Variants in CTNNA3 observed in about 807,000 individuals in gnomAD.
The protein encoded by CTNNA3 is catenin alpha 3, also known as catenin alpha-3.
Under a neutral mutation model 95.7 loss-of-function variants are expected in CTNNA3, and 76 were observed. That is an observed-to-expected ratio of 0.79 (90% CI 0.66 to 0.96). CTNNA3 has a LOEUF of 0.96. Among genes scored for constraint, CTNNA3 ranks in the 40% least tolerant of loss-of-function variants. CTNNA3 has a pLI of 0.00. For synonymous variants in CTNNA3, 431 were observed against 374.4 expected (o/e 1.15, Z -1.74); for missense variants, 1,191 against 1,089.8 (o/e 1.09, Z -1.31).
At chr10:66,703,839 G>A (rs1428314026) in intron 9 of CTNNA3, among the ~76,000 whole-genome samples, 1 of 152,136 alleles carries the variant, frequency 6.6e-6, no homozygotes, top group Non-Finnish European at 1.5e-5. Context: ...TAGCATTATA[G>A]ACTAGTTCTG....
At chr10:65,980,718 C>T (rs10996806) in intron 16 of CTNNA3, among the ~76,000 whole-genome samples, 4,615 of 151,652 alleles carry the variant, frequency 0.03, 88 homozygotes, top group Middle Eastern at 0.092. Flanking sequence ...TGTGACACAC[C>T]ACATAAAAAA....
intron 9 of CTNNA3, among the ~76,000 whole-genome samples, chr10:66,642,309 A>T (rs1845548284): frequency 6.9e-6 from 1 of 145,802 alleles, no homozygotes; most frequent in Non-Finnish European, 1.5e-5. Flanking sequence ...CACACACAAA[A>T]CCTGATATCA....
At chr10:66,665,569 C>A (rs1846422424) in intron 9 of CTNNA3, among the ~76,000 whole-genome samples, 1 of 152,088 alleles carries the variant, frequency 6.6e-6, no homozygotes, top group Admixed American at 6.6e-5. Context: ...AATCATGAGT[C>A]TGAAAAAGTC....
rs1262340688 is a variant in CTNNA3 at position 67,740,244 on chromosome 10, A to T, written c.-2+23190T>A. ...AGGCATTACCATTCAGGACATAGGC[A>T]TGGGCAAAGACTTCATGTCTAAAAC... On this transcript the variant is annotated intron_variant, in intron 1 of 17. Transcript: ENST00000684154. Among the ~76,000 whole-genome samples, 4 of 152,172 alleles carry T rather than the reference A, an allele frequency of 2.6e-5. No homozygotes were observed. In the East Asian group the frequency reaches 7.7e-4, roughly 29 times the overall value.
chr10:67,593,351 T>C (rs1414069027), intron 3 of CTNNA3, among the ~76,000 whole-genome samples: 1 of 152,188 alleles, frequency 6.6e-6, no homozygotes, highest in Non-Finnish European at 1.5e-5. Context: ...CTTTAGGCAG[T>C]ATGGCCATTT....
chr10:67,515,907 C>G (rs1486757702), intron 5 of CTNNA3, among the ~76,000 whole-genome samples: 1 of 152,302 alleles, frequency 6.6e-6, no homozygotes, highest in East Asian at 1.9e-4. Flanking sequence ...TTACACCCTT[C>G]CTTAGACTGC....
At chr10:67,357,850 A>G (rs1842868776) in intron 5 of CTNNA3, among the ~76,000 whole-genome samples, 1 of 152,122 alleles carries the variant, frequency 6.6e-6, no homozygotes, top group African/African-American at 2.4e-5. Flanking sequence ...AATTAATTTT[A>G]AAAGTCCAAG....
At chr10:66,512,663 C>T (rs12250552) in intron 11 of CTNNA3, among the ~76,000 whole-genome samples, 28,022 of 151,914 alleles carry the variant, frequency 0.18, 2,824 homozygotes, top group African/African-American at 0.27. Context: ...GTTGGAGTCC[C>T]TTAAGCATTT....
intron 13 of CTNNA3, among the ~76,000 whole-genome samples, chr10:66,114,438 A>G (rs2082240826): frequency 6.7e-6 from 1 of 148,764 alleles, no homozygotes; most frequent in African/African-American, 2.5e-5. Flanking sequence ...GTATGTATAT[A>G]TGTGTATATA....
chr10:66,723,772 C>T (rs1343210989), intron 9 of CTNNA3, among the ~76,000 whole-genome samples: 3 of 152,068 alleles, frequency 2.0e-5, no homozygotes, highest in African/African-American at 7.2e-5. Context: ...GGCAAAAGTG[C>T]TGTAATGAGA....
intron 7 of CTNNA3, among the ~76,000 whole-genome samples, chr10:67,092,868 G>A (rs962937474): frequency 6.6e-6 from 1 of 151,924 alleles, no homozygotes; most frequent in Non-Finnish European, 1.5e-5. Context: ...TAGCAGAATC[G>A]AAATTATTCC....
intron 7 of CTNNA3, among the ~76,000 whole-genome samples, chr10:67,033,064 T>C (rs2133116286): frequency 6.6e-6 from 1 of 152,330 alleles, no homozygotes; most frequent in South Asian, 2.1e-4. Flanking sequence ...CAGCTATTTT[T>C]TTCCAGGAGG....
At chr10:67,255,923 AT>A (rs1301918473) in intron 5 of CTNNA3, among the ~76,000 whole-genome samples, 2 of 152,110 alleles carry the variant, frequency 1.3e-5, no homozygotes, top group African/African-American at 4.8e-5. Flanking sequence ...ACACCATGAG[AT>A]TTTTTTCTTA....
intron 13 of CTNNA3, among the ~76,000 whole-genome samples, chr10:66,108,486 T>C (rs2081993035): frequency 6.6e-6 from 1 of 152,216 alleles, no homozygotes. Flanking sequence ...AAGTCTCCCC[T>C]GGCCAGTCTA....
intron 15 of CTNNA3, among the ~76,000 whole-genome samples, chr10:66,064,616 G>A (rs1299404376): frequency 6.6e-6 from 1 of 152,092 alleles, no homozygotes; most frequent in African/African-American, 2.4e-5. Flanking sequence ...AATATCTCTG[G>A]TTCCCCTTTT....
intron 13 of CTNNA3, among the ~76,000 whole-genome samples, chr10:66,110,551 C>A (rs2082084315): frequency 6.6e-6 from 1 of 151,808 alleles, no homozygotes; most frequent in Admixed American, 6.6e-5. Flanking sequence ...TACTATTTAG[C>A]CTTTAAAAAA....
At chr10:66,530,506 C>T (rs748353908) in intron 10 of CTNNA3, among the ~76,000 whole-genome samples, 26 of 152,060 alleles carry the variant, frequency 1.7e-4, no homozygotes, top group Non-Finnish European at 3.2e-4. Flanking sequence ...ATTTTACCTG[C>T]TCTCATACTA....
rs111293504 is a variant in CTNNA3, at chr10:67,471,952, A to T, written c.579+49890T>A. Among the ~76,000 whole-genome samples, 932 of 152,346 alleles carry T rather than the reference A, an allele frequency of 6.1e-3. 17 individuals are homozygous for T. Among genetic ancestry groups the T allele is most frequent in the African/African-American group, 0.021 (885 of 41,586 alleles). ...GGAAACCATTGCTCTTTAGTCTCCTACAAACTCTTTGCTAAAGCAAAGTAG... is the reference window on the plus strand; with the variant it reads ...GGAAACCATTGCTCTTTAGTCTCCTTCAAACTCTTTGCTAAAGCAAAGTAG... On this transcript the variant is annotated intron_variant, in intron 5 of 17. Transcript: ENST00000433211.
At chr10:67,716,279 A>G (rs1053279845) in intron 1 of CTNNA3, among the ~76,000 whole-genome samples, 7 of 152,186 alleles carry the variant, frequency 4.6e-5, no homozygotes, top group African/African-American at 1.7e-4. Context: ...AAACTAGACC[A>G]TGATCTTTTC....
Sources: allele counts gnomAD v4.1 joint callset (sites outside exome capture counted in the v4.1 genomes callset), GRCh38; gene constraint gnomAD v4.1.1; transcripts MANE v1.5; gene names NCBI Gene and HGNC (gene_info 2026-07-23, HGNC 2026-07-21).